Variants in XYLB observed in about 807,000 individuals in gnomAD.
The protein encoded by XYLB is xylulokinase.
Under a neutral mutation model 78.7 loss-of-function variants are expected in XYLB, and 62 were observed. That is an observed-to-expected ratio of 0.79 (90% CI 0.64 to 0.97). The LOEUF (loss-of-function observed/expected upper bound fraction) is 0.97, where lower values mean the gene tolerates loss of function less well. Among genes scored for constraint, XYLB ranks in the 50% least tolerant of loss-of-function variants. The pLI is 0.00. For missense variants in XYLB, 687 were observed against 676.8 expected, an observed-to-expected ratio of 1.02 and a Z score of -0.17; for synonymous variants, 245 against 247.4, an observed-to-expected ratio of 0.99 and a Z score of 0.09.
intron 12 of XYLB, among the ~76,000 whole-genome samples, chr3:38,375,868 C>T (rs1377177119): frequency 6.6e-6 from 1 of 152,172 alleles, no homozygotes; most frequent in African/African-American, 2.4e-5. Context: ...CTACCTGGGG[C>T]TCCTCTGTGT....
the XYLB span, among the ~76,000 whole-genome samples, chr3:38,440,521 A>C: frequency 6.6e-6 from 1 of 152,204 alleles, no homozygotes; most frequent in African/African-American, 2.4e-5. Context: ...ATCCTGTCCC[A>C]AAGGGGGTTC....
Position 38,368,354 on chromosome 3 carries a change from A to G in XYLB, c.646+97A>G, listed in dbSNP as rs949628528. On this transcript the variant is annotated intron_variant, in intron 8 of 18. Coordinates refer to ENST00000207870, the MANE Select transcript of XYLB (RefSeq NM_005108.4). ...CCCCACCTACCCCGAGTGGGTGCCA[A>G]TCTTGTAGCCCTGTCATCTGTTGCC... 2.2e-5 allele frequency: 23 copies of G among 1,064,256 alleles called. No homozygotes were observed. The African/African-American group carries it at 3.1e-4, about 14-fold the overall frequency. The allele number at this position is 1,064,256 out of a possible 1,614,324, so 65.9% of individuals were successfully genotyped here.
At chr3:38,361,605 C>T (rs978526477) in intron 3 of XYLB, among the ~76,000 whole-genome samples, 1 of 152,138 alleles carries the variant, frequency 6.6e-6, no homozygotes, top group Admixed American at 6.5e-5. Flanking sequence ...CAGGAGGTCC[C>T]AGTGATGATG....
In XYLB at chr3:38,350,567, A is replaced by G. The variant is rs903523364; in HGVS notation, c.140+1935A>G. Among the ~76,000 whole-genome samples, 10 of 151,930 alleles carry G rather than the reference A, an allele frequency of 6.6e-5. No homozygotes were observed. In the East Asian group the frequency reaches 1.9e-3, roughly 30 times the overall value. Reference sequence around the variant, plus strand: ...TGATTTTCCCCTGTTGTTTTCTTCAAGTTGTGCTCTAATTTTTATTACTTA... The same window carrying G: ...TGATTTTCCCCTGTTGTTTTCTTCAGGTTGTGCTCTAATTTTTATTACTTA... On this transcript the variant is annotated intron_variant, in intron 2 of 18. Coordinates refer to ENST00000207870, the MANE Select transcript of XYLB (RefSeq NM_005108.4).
chr3:38,361,760 C>T (rs550686017), intron 3 of XYLB, among the ~76,000 whole-genome samples: 2 of 152,338 alleles, frequency 1.3e-5, no homozygotes, highest in East Asian at 1.9e-4. Flanking sequence ...GCCCCTGCTC[C>T]GGCTGCACCC....
chr3:38,408,865 A>G (rs1708449801), intron 18 of XYLB, among the ~76,000 whole-genome samples: 1 of 152,254 alleles, frequency 6.6e-6, no homozygotes, highest in African/African-American at 2.4e-5. Context: ...ATAGACCAAT[A>G]ACAGGCTCTG....
chr3:38,413,027 TTGCCCCTGCC>T lies in XYLB; in HGVS notation c.*20_*29del, dbSNP rs759677051. The T allele has an allele frequency of 6.3e-6, 10 of 1,582,362 alleles. No homozygotes were observed. The highest frequency in any genetic ancestry group is 8.5e-6 in the Non-Finnish European group (10 of 1,170,130). On this transcript the variant is annotated 3_prime_UTR_variant, in exon 19 of 19. Transcript: ENST00000207870. ...CCTCCGGAGTGAACAGGCATCCCTG[TTGCCCCTGCC>T]TGCCCAGATTTACTGACCCCATTTG...
intron 17 of XYLB, among the ~76,000 whole-genome samples, chr3:38,397,977 C>A (rs1205338953): frequency 6.6e-6 from 1 of 151,150 alleles, no homozygotes; most frequent in East Asian, 2.0e-4. Flanking sequence ...TGCCACCATG[C>A]CCAGCTAATT....
chr3:38,436,131 CAA>C, the XYLB span, among the ~76,000 whole-genome samples: 1 of 151,848 alleles, frequency 6.6e-6, no homozygotes, highest in Non-Finnish European at 1.5e-5. Flanking sequence ...ATAAACAAAA[CAA>C]AAAGTTTGCT....
At position 38,404,967 on chromosome 3, in the gene XYLB, A is replaced by G. The variant is rs190364399; in HGVS notation, c.1533+3982A>G. Among the ~76,000 whole-genome samples the G allele has an allele frequency of 3.2e-3, 488 of 152,328 alleles. 7 individuals carry two copies. Among genetic ancestry groups the G allele is most frequent in the Admixed American group, 0.026 (399 of 15,302 alleles). ...CTTGGTCTTGTTGTTTGTCTGTAAG[A>G]CAGCGTGTGCTTGCCTGAAGTGCAT... On this transcript the variant is annotated intron_variant, in intron 18 of 18. Transcript: ENST00000207870.
At chr3:38,382,999 G>A (rs1707222527) in intron 15 of XYLB, among the ~76,000 whole-genome samples, 1 of 152,312 alleles carries the variant, frequency 6.6e-6, no homozygotes, top group South Asian at 2.1e-4. Context: ...CAGCTCTTTC[G>A]TTCTTGCCCA....
rs147083628 is a variant in XYLB, at chr3:38,365,203, A to G, written c.296A>G (p.His99Arg). The G allele has an allele frequency of 6.8e-6, 11 of 1,614,090 alleles. No homozygotes were observed. The African/African-American group carries it at 1.3e-4, about 20-fold the overall frequency. ...TGTGCTTGGGTTTCCCAACAGCAAC[A>G]CGGAAGTATATACTGGAAGGCTGGA... ...VLALSGAGQQ[H>R]GSIYWKAGAQ... Residue 99 changes from histidine to arginine, a missense_variant, in exon 5 of 19, where the codon CAC (histidine) becomes CGC (arginine). His to Arg is a conservative substitution (Grantham distance 29). Coordinates refer to ENST00000207870, the MANE Select transcript of XYLB (RefSeq NM_005108.4).
chr3:38,353,401 G>A (rs1705473068), intron 2 of XYLB, among the ~76,000 whole-genome samples: 2 of 152,076 alleles, frequency 1.3e-5, no homozygotes, highest in African/African-American at 4.8e-5. Context: ...TGCCTCCCGG[G>A]CTCAAGCAAT....
chr3:38,420,952 C>A (rs1708957401), downstream of XYLB, among the ~76,000 whole-genome samples: 1 of 152,204 alleles, frequency 6.6e-6, no homozygotes, highest in African/African-American at 2.4e-5. Flanking sequence ...CAAACGATAG[C>A]AGGAAAGGCC....
chr3:38,423,468 C>T (rs1187653801), downstream of XYLB, among the ~76,000 whole-genome samples: 1 of 152,208 alleles, frequency 6.6e-6, no homozygotes, highest in Non-Finnish European at 1.5e-5. Flanking sequence ...GCATTGCAGC[C>T]TGGACTGCCT....
rs1302223110 is a variant in XYLB at position 38,413,031 on chromosome 3, C to T, written c.*18C>T. Reference sequence around the variant, plus strand: ...CGGAGTGAACAGGCATCCCTGTTGCCCCTGCCTGCCCAGATTTACTGACCC... The same window carrying T: ...CGGAGTGAACAGGCATCCCTGTTGCTCCTGCCTGCCCAGATTTACTGACCC... On this transcript the variant is annotated 3_prime_UTR_variant, in exon 19 of 19. Transcript: ENST00000207870. The T allele has an allele frequency of 1.3e-6, 2 of 1,574,872 alleles. No homozygotes were observed. The highest frequency in any genetic ancestry group is 1.4e-5 in the African/African-American group (1 of 72,104).
At chr3:38,438,731 G>A in the XYLB span, among the ~76,000 whole-genome samples, 6 of 152,206 alleles carry the variant, frequency 3.9e-5, no homozygotes, top group Admixed American at 6.5e-5. Flanking sequence ...AAGGAAACCC[G>A]AGTGGGTTGC....
rs540696865 is a variant in XYLB, at chr3:38,346,802, C to A, written c.-67C>A. 2 of 1,428,590 alleles carry A rather than the reference C, an allele frequency of 1.4e-6. No individual in the cohort carries two copies. The highest frequency in any genetic ancestry group is 1.4e-5 in the South Asian group (1 of 71,812). 88.5% of individuals were successfully genotyped at this position (1,428,590 alleles called of 1,614,324 possible). ...GCCCCTGCGTCTCTGGGCGCTGGAG[C>A]GCGGCGACTATCACGCCGCGTGGCG... On this transcript the variant is annotated 5_prime_UTR_variant, in exon 1 of 19. Transcript: ENST00000207870.
intron 9 of XYLB, 95 bp from the exon 10 acceptor site, chr3:38,372,560 A>G (rs1706624013): frequency 6.3e-7 from 1 of 1,597,820 alleles, no homozygotes; most frequent in Admixed American, 1.7e-5. Flanking sequence ...TGACCTGGAG[A>G]CTGTAGCGTT....
Sources: allele counts gnomAD v4.1 joint callset (sites outside exome capture counted in the v4.1 genomes callset), GRCh38; gene constraint gnomAD v4.1.1; transcripts MANE v1.5; gene names NCBI Gene and HGNC (gene_info 2026-07-23, HGNC 2026-07-21).